Variants in KICS2 observed in about 807,000 individuals in gnomAD.
The protein encoded by KICS2 is KICSTOR subunit 2.
In KICS2, 13 loss-of-function variants were observed where a neutral mutation model predicts 31.4. That is an observed-to-expected ratio of 0.41 (90% CI 0.27 to 0.66). KICS2 has a LOEUF of 0.66. Among genes scored for constraint, KICS2 ranks in the 30% least tolerant of loss-of-function variants. KICS2 has a pLI of 0.28. For synonymous variants in KICS2, 209 were observed against 214.8 expected, an observed-to-expected ratio of 0.97 and a Z score of 0.24; for missense variants, 455 against 545.4, an observed-to-expected ratio of 0.83 and a Z score of 1.65.
At chr12:64,221,426 C>T (rs1047112596) in intron 1 of KICS2, 5 of 152,606 alleles carry the variant, frequency 3.3e-5, no homozygotes, top group African/African-American at 4.8e-5. Flanking sequence ...GCAAGATGTA[C>T]ATGAAGTGCT....
chr12:64,214,102 T>C (rs1404145645), intron 2 of KICS2, among the ~76,000 whole-genome samples: 3 of 152,240 alleles, frequency 2.0e-5, no homozygotes, highest in Non-Finnish European at 4.4e-5. Context: ...GATGAGAACA[T>C]GATACTCCTG....
intron 2 of KICS2, among the ~76,000 whole-genome samples, chr12:64,204,101 T>C (rs55737323): frequency 0.022 from 3,189 of 148,160 alleles, 17 homozygotes; most frequent in African/African-American, 0.079. Context: ...CAAACTAACG[T>C]AGGAACAGAA....
chr12:64,212,196 A>C (rs2037588527), intron 2 of KICS2, among the ~76,000 whole-genome samples: 1 of 152,228 alleles, frequency 6.6e-6, no homozygotes, highest in Non-Finnish European at 1.5e-5. Flanking sequence ...TTTAAAGTGT[A>C]CAATTCAATG....
At chr12:64,217,324 CTACTGA>C (rs990126492) in intron 1 of KICS2, among the ~76,000 whole-genome samples, 1 of 152,164 alleles carries the variant, frequency 6.6e-6, no homozygotes, top group Non-Finnish European at 1.5e-5. Context: ...CCCAGACAAA[CTACTGA>C]TACTTTGAAA....
downstream of KICS2, among the ~76,000 whole-genome samples, chr12:64,189,243 A>C (rs543977300): frequency 1.4e-4 from 21 of 152,354 alleles, 1 homozygote; most frequent in Middle Eastern, 0.02. Flanking sequence ...ACTTCAAGGT[A>C]CTAAATAGTT....
chr12:64,187,722 A>T, downstream of KICS2: 2 of 1,299,066 alleles, frequency 1.5e-6, no homozygotes, highest in Non-Finnish European at 2.1e-6. Context: ...GGAGTCACAT[A>T]GCATGTTTTT....
In KICS2 at chr12:64,193,330, A is replaced by G. The variant is rs116677548; in HGVS notation, c.*512T>C. Reference sequence around the variant, plus strand: ...TACCAAGACCCTAATTTTGGCATCAAAAATGTTAATTTGTAGATCAGAATC... The same window carrying G: ...TACCAAGACCCTAATTTTGGCATCAGAAATGTTAATTTGTAGATCAGAATC... On this transcript the variant is annotated 3_prime_UTR_variant, in exon 3 of 3. Transcript: ENST00000398055. 1 of 985,632 alleles carries G rather than the reference A, an allele frequency of 1.0e-6. No homozygotes were observed. Among genetic ancestry groups the G allele is most frequent in the African/African-American group, 1.7e-5 (1 of 57,384 alleles). The allele number at this position is 985,632 out of a possible 1,614,324, so 61.1% of individuals were successfully genotyped here.
intron 2 of KICS2, among the ~76,000 whole-genome samples, chr12:64,214,742 A>G (rs1208474362): frequency 1.3e-5 from 2 of 152,108 alleles, no homozygotes; most frequent in African/African-American, 4.8e-5. Context: ...TTAGCCAGGC[A>G]TAGTGGCATG....
chr12:64,214,050 C>T (rs2037605999), intron 2 of KICS2, among the ~76,000 whole-genome samples: 1 of 152,228 alleles, frequency 6.6e-6, no homozygotes, highest in South Asian at 2.1e-4. Context: ...CCTCTCCCTT[C>T]ACCATCCCAT....
At chr12:64,219,041 A>G (rs1299651360) in intron 1 of KICS2, among the ~76,000 whole-genome samples, 1 of 152,222 alleles carries the variant, frequency 6.6e-6, no homozygotes, top group Non-Finnish European at 1.5e-5. Context: ...TTAATTTAAA[A>G]AATATGATTA....
At chr12:64,195,102 T>C (rs2037421375) in intron 2 of KICS2, among the ~76,000 whole-genome samples, 2 of 152,164 alleles carry the variant, frequency 1.3e-5, no homozygotes, top group African/African-American at 2.4e-5. Context: ...CTCCATTTTC[T>C]GTAGAGACAA....
downstream of KICS2, chr12:64,187,505 A>T: frequency 1.2e-6 from 1 of 841,102 alleles, no homozygotes; most frequent in Non-Finnish European, 1.9e-6. Flanking sequence ...GCATTAATGA[A>T]ACCTTACGGA....
chr12:64,192,566 G>A lies in KICS2; in HGVS notation c.*1276C>T. On this transcript the variant is annotated 3_prime_UTR_variant, in exon 3 of 3. Transcript: ENST00000398055. The stretch of plus-strand genomic sequence containing the variant: ...TAAAACAGTGGCTCCACACAATCAT[G>A]GGAAAAAAGACGAATATGACCATTA... 1.0e-6 allele frequency: 1 copy of A among 977,566 alleles called. No individual in the cohort carries two copies. The highest frequency in any genetic ancestry group is 1.2e-6 in the Non-Finnish European group (1 of 822,864). The allele number at this position is 977,566 out of a possible 1,614,324, so 60.6% of individuals were successfully genotyped here. A position where few individuals can be genotyped will look rare whatever the true frequency, so the allele number is the denominator to read the frequency against.
At chr12:64,212,846 T>C (rs1295711057) in intron 2 of KICS2, among the ~76,000 whole-genome samples, 1 of 151,964 alleles carries the variant, frequency 6.6e-6, no homozygotes, top group Non-Finnish European at 1.5e-5. Flanking sequence ...TCCCAGCACT[T>C]TGGGAGGCTG....
chr12:64,217,583 G>A (rs1220516296), intron 1 of KICS2, among the ~76,000 whole-genome samples: 3 of 152,024 alleles, frequency 2.0e-5, no homozygotes, highest in African/African-American at 2.4e-5. Context: ...AGGATCACCC[G>A]AGGTCAGGAG....
intron 2 of KICS2, among the ~76,000 whole-genome samples, chr12:64,211,175 C>T (rs2037579347): frequency 6.6e-6 from 1 of 151,792 alleles, no homozygotes; most frequent in Non-Finnish European, 1.5e-5. Context: ...TTTGGGGTTT[C>T]AAAAAACTAT....
intron 2 of KICS2, among the ~76,000 whole-genome samples, chr12:64,214,493 C>T (rs774590113): frequency 1.6e-4 from 24 of 152,148 alleles, no homozygotes; most frequent in Non-Finnish European, 2.8e-4. Context: ...TACCAAAACC[C>T]TGAAGCCTTT....
intron 2 of KICS2, 26 bp downstream of exon 2, chr12:64,215,652 T>C (rs2037620833): frequency 1.9e-6 from 3 of 1,589,176 alleles, no homozygotes; most frequent in Non-Finnish European, 2.6e-6. Context: ...AGCCACGCTT[T>C]CTCCCTCCCT....
At chr12:64,210,484 G>T (rs1374423289) in intron 2 of KICS2, among the ~76,000 whole-genome samples, 2 of 152,110 alleles carry the variant, frequency 1.3e-5, no homozygotes, top group African/African-American at 4.8e-5. Context: ...TGGGTGTGTG[G>T]CTTACACCTG....
Sources: gnomAD v4.1 joint callset for allele counts (sites outside exome capture counted in the v4.1 genomes callset) on GRCh38, gnomAD v4.1.1 for gene constraint, MANE v1.5 for transcripts, NCBI Gene and HGNC (gene_info 2026-07-23, HGNC 2026-07-21) for gene names.